ATF7IP: variants seen among roughly 807,000 people sequenced by gnomAD.
ATF7IP encodes activating transcription factor 7 interacting protein.
In ATF7IP, 23 loss-of-function variants were observed where a neutral mutation model predicts 106.4. The ratio of observed to expected loss-of-function variants is 0.22; its 90% confidence interval spans 0.16 to 0.31. The LOEUF (loss-of-function observed/expected upper bound fraction) is 0.31. Ranked by LOEUF, ATF7IP falls within the 10% of genes least tolerant of loss-of-function variation. The pLI, the probability that ATF7IP is intolerant of heterozygous loss-of-function variation, is 1.00. For synonymous variants in ATF7IP, 542 were observed against 539.0 expected (o/e 1.01, Z -0.08); for missense variants, 1,334 against 1,524.3 (o/e 0.88, Z 2.08).
At chr12:14,434,497 A>AATACAACCGTG (rs1166314937) in intron 3 of ATF7IP, 74 bp downstream of exon 3, 5 of 994,278 alleles carry the variant, frequency 5.0e-6, no homozygotes, top group East Asian at 2.6e-5. Flanking sequence ...CAACCGTGTA[A>AATACAACCGTG]TATTCTTTTT....
intron 6 of ATF7IP, among the ~76,000 whole-genome samples, chr12:14,448,257 C>T (rs1030743415): frequency 3.9e-5 from 6 of 152,130 alleles, no homozygotes; most frequent in Non-Finnish European, 8.8e-5. Flanking sequence ...GAACTCTTCC[C>T]CTAGCTTCCC....
intron 2 of ATF7IP, among the ~76,000 whole-genome samples, chr12:14,426,564 C>T (rs1941856258): frequency 7.0e-6 from 1 of 142,390 alleles, no homozygotes; most frequent in African/African-American, 2.6e-5. Flanking sequence ...AGGTGGCTCA[C>T]ACCTATAATC....
intron 1 of ATF7IP, among the ~76,000 whole-genome samples, chr12:14,393,352 T>TAGAA (rs1420343923): frequency 1.3e-5 from 2 of 152,200 alleles, no homozygotes; most frequent in African/African-American, 2.4e-5. Flanking sequence ...ATATGGTACT[T>TAGAA]AGAAAGCTCT....
intron 2 of ATF7IP, among the ~76,000 whole-genome samples, chr12:14,433,095 G>A (rs1297602319): frequency 1.3e-5 from 2 of 152,074 alleles, no homozygotes; most frequent in Non-Finnish European, 2.9e-5. Context: ...TGGGCCAGTC[G>A]AGGTGGCTCA....
In ATF7IP at chr12:14,476,117, T is replaced by C; in HGVS notation, c.2941+149T>C. 4 of 657,100 alleles carry C rather than the reference T, an allele frequency of 6.1e-6. No homozygotes were observed. The South Asian group carries it at 7.8e-5, about 13-fold the overall frequency. The allele number at this position is 657,100 out of a possible 1,614,324, so 40.7% of individuals were successfully genotyped here. A position where few individuals can be genotyped will look rare whatever the true frequency, so the allele number is the denominator to read the frequency against. Reference sequence around the variant, plus strand: ...GAATGGAAGTTTTTTAGATTAGAATTTTAAAATTTGGCCAGGTGCAGTGTC... The same window carrying C: ...GAATGGAAGTTTTTTAGATTAGAATCTTAAAATTTGGCCAGGTGCAGTGTC... On this transcript the variant is annotated intron_variant, in intron 11 of 14. Coordinates refer to ENST00000261168, the MANE Select transcript of ATF7IP (RefSeq NM_018179.5).
intron 1 of ATF7IP, among the ~76,000 whole-genome samples, chr12:14,413,964 A>G (rs903140580): frequency 2.6e-5 from 4 of 152,170 alleles, no homozygotes; most frequent in Non-Finnish European, 5.9e-5. Flanking sequence ...AGTATAGCTA[A>G]AACTTGAGCT....
chr12:14,365,926 T>A (rs935974905), intron 1 of ATF7IP, 99 bp downstream of exon 1: 1 of 152,370 alleles, frequency 6.6e-6, no homozygotes, highest in Non-Finnish European at 1.5e-5. Flanking sequence ...GCGGGAGTTG[T>A]GTCTGCGCCT....
At chr12:14,484,454 A>G (rs1414468577) in intron 13 of ATF7IP, among the ~76,000 whole-genome samples, 1 of 152,240 alleles carries the variant, frequency 6.6e-6, no homozygotes, top group Non-Finnish European at 1.5e-5. Flanking sequence ...ATATATAATC[A>G]TGCATCTGGC....
intron 1 of ATF7IP, among the ~76,000 whole-genome samples, chr12:14,402,714 T>C (rs756203327): frequency 6.6e-6 from 1 of 151,772 alleles, no homozygotes; most frequent in Non-Finnish European, 1.5e-5. Context: ...GTTCAAGCGA[T>C]TCTCCTGCCT....
chr12:14,400,611 G>A (rs140521076), intron 1 of ATF7IP, among the ~76,000 whole-genome samples: 1 of 151,642 alleles, frequency 6.6e-6, no homozygotes, highest in African/African-American at 2.4e-5. Flanking sequence ...TTTTGTTTTT[G>A]TATTTTCTAT....
intron 1 of ATF7IP, among the ~76,000 whole-genome samples, chr12:14,396,076 G>A (rs1939823283): frequency 6.6e-6 from 1 of 152,126 alleles, no homozygotes; most frequent in African/African-American, 2.4e-5. Flanking sequence ...GTATCAGTAT[G>A]GCCAGAAATA....
chr12:14,366,484 G>A (rs1938299224), intron 1 of ATF7IP, among the ~76,000 whole-genome samples: 1 of 152,188 alleles, frequency 6.6e-6, no homozygotes, highest in African/African-American at 2.4e-5. Context: ...GGAATATTGG[G>A]GGAACGGGAA....
At chr12:14,408,551 T>G (rs1940734887) in intron 1 of ATF7IP, 1 of 152,120 alleles carries the variant, frequency 6.6e-6, no homozygotes, top group African/African-American at 2.4e-5. Context: ...TGGGGTATGT[T>G]TTTTATTTTA....
Position 14,490,073 on chromosome 12 carries a change from G to A in ATF7IP, c.3281-6158G>A, listed in dbSNP as rs539737597. 6.6e-5 allele frequency among the ~76,000 whole-genome samples: 10 copies of A among 152,248 alleles called. No homozygotes were observed. In the South Asian group the frequency reaches 1.2e-3, roughly 19 times the overall value. ...TCTTCTGCTGGCAAATTGGGTACTC[G>A]GCATTAGCCATAGTCACGTCAGCCT... On this transcript the variant is annotated intron_variant, in intron 13 of 14. Transcript: ENST00000261168.
At position 14,425,380 on chromosome 12, in the gene ATF7IP, A is replaced by G; in HGVS notation, c.1465A>G (p.Lys489Glu). ...ACAAGAAAGTAGTGAGAGTTTGCCAAAAGAAGCCTTTCTGGTCCTCTCTGA... is the reference window on the plus strand; with the variant it reads ...ACAAGAAAGTAGTGAGAGTTTGCCAGAAGAAGCCTTTCTGGTCCTCTCTGA... Reference protein sequence around the residue: ...SKQESSESLPKEAFLVLSDEE... With the variant: ...SKQESSESLPEEAFLVLSDEE... The change falls in exon 2 of 15, where the codon AAA becomes GAA. Residue 489 changes from lysine to glutamate, a missense_variant. This residue lies in a region of ATF7IP where 3 missense variants were observed against 17.2 expected (regional missense o/e 0.17). Transcript: ENST00000261168. 6.2e-7 allele frequency: 1 copy of G among 1,612,712 alleles called. No individual in the cohort carries two copies. Among genetic ancestry groups the G allele is most frequent in the South Asian group, 1.1e-5 (1 of 90,706 alleles).
In ATF7IP at chr12:14,387,023, A is replaced by G. The variant is rs117132395; in HGVS notation, c.-8+21196A>G. The stretch of plus-strand genomic sequence containing the variant: ...TTCCTAATTAAATCAGTGTCCATTT[A>G]TTTAGTGGCTTAAAATATATTCTGG... On this transcript the variant is annotated intron_variant, in intron 1 of 14. Transcript: ENST00000261168. Among the ~76,000 whole-genome samples the G allele has an allele frequency of 3.0e-4, 46 of 152,244 alleles. No homozygotes were observed. In the East Asian group the frequency reaches 6.0e-3, roughly 20 times the overall value.
chr12:14,477,747 C>CT (rs1944306984), intron 11 of ATF7IP, among the ~76,000 whole-genome samples: 1 of 152,116 alleles, frequency 6.6e-6, no homozygotes, highest in Non-Finnish European at 1.5e-5. Context: ...GATAGAAGGA[C>CT]TTTTGGGTCA....
At chr12:14,430,961 G>A (rs148606445) in intron 2 of ATF7IP, among the ~76,000 whole-genome samples, 11 of 152,156 alleles carry the variant, frequency 7.2e-5, no homozygotes, top group East Asian at 3.9e-4. Flanking sequence ...TTTTTTGGCC[G>A]CTTACAAAAA....
chr12:14,473,447 G>T (rs1452141157), intron 10 of ATF7IP, among the ~76,000 whole-genome samples: 1 of 151,390 alleles, frequency 6.6e-6, no homozygotes, highest in Non-Finnish European at 1.5e-5. Flanking sequence ...TGACGTTCAT[G>T]TTTTCACATA....
Sources: allele counts gnomAD v4.1 joint callset (sites outside exome capture counted in the v4.1 genomes callset), GRCh38; gene constraint gnomAD v4.1.1; regional missense constraint gnomAD v4.1.1; transcripts MANE v1.5; gene names NCBI Gene and HGNC (gene_info 2026-07-23, HGNC 2026-07-21).